CLVS1: variants seen among roughly 807,000 people sequenced by gnomAD.
The protein encoded by CLVS1 is clavesin 1, also known as clavesin-1.
In CLVS1, 10 loss-of-function variants were observed where a neutral mutation model predicts 33.1. The ratio of observed to expected loss-of-function variants is 0.30; its 90% CI spans 0.19 to 0.51. CLVS1 has a LOEUF of 0.51. CLVS1 is among the 20% of genes least tolerant of loss of function. The probability of loss-of-function intolerance (pLI) is 0.97; values close to 1 mark genes in which losing one functional copy is unlikely to be tolerated. For synonymous variants in CLVS1, 163 were observed against 166.1 expected, an observed-to-expected ratio of 0.98 and a Z score of 0.14; for missense variants, 343 against 433.4, an observed-to-expected ratio of 0.79 and a Z score of 1.85.
intron 3 of CLVS1, among the ~76,000 whole-genome samples, chr8:61,420,108 G>C (rs1815596543): frequency 6.6e-6 from 1 of 152,160 alleles, no homozygotes; most frequent in South Asian, 2.1e-4. Flanking sequence ...TCCTGAGTCA[G>C]ACTGCCTGCA....
intron 2 of CLVS1, among the ~76,000 whole-genome samples, chr8:61,230,874 A>C (rs1808416528): frequency 6.6e-6 from 1 of 152,172 alleles, no homozygotes; most frequent in South Asian, 2.1e-4. Flanking sequence ...TTACTGGTTC[A>C]TAAATGTCAC....
chr8:61,403,042 A>G (rs1004235928), intron 3 of CLVS1, among the ~76,000 whole-genome samples: 25 of 152,192 alleles, frequency 1.6e-4, no homozygotes, highest in Non-Finnish European at 7.3e-5. Flanking sequence ...CTAGGGTATG[A>G]ATAAGAGTGG....
At chr8:61,157,802 A>AT (rs1200022258) in intron 2 of CLVS1, among the ~76,000 whole-genome samples, 1 of 152,208 alleles carries the variant, frequency 6.6e-6, no homozygotes, top group Non-Finnish European at 1.5e-5. Context: ...AAATAATATC[A>AT]TTTAAGAAAT....
chr8:61,215,024 T>A (rs1344663418), intron 2 of CLVS1, among the ~76,000 whole-genome samples: 1 of 152,228 alleles, frequency 6.6e-6, no homozygotes, highest in African/African-American at 2.4e-5. Context: ...TTGTGTAACA[T>A]AAAGTAAGTA....
chr8:60,969,353 G>C, the CLVS1 span, among the ~76,000 whole-genome samples: 1 of 152,168 alleles, frequency 6.6e-6, no homozygotes, highest in Non-Finnish European at 1.5e-5. Context: ...TAGCCCTTAG[G>C]ACATAGTATA....
At chr8:61,190,031 C>T (rs1807437015) in intron 2 of CLVS1, among the ~76,000 whole-genome samples, 1 of 152,180 alleles carries the variant, frequency 6.6e-6, no homozygotes. Context: ...ATCTAATAGA[C>T]ATCTACAGAA....
At chr8:61,091,973 G>T (rs1490166702) in intron 1 of CLVS1, among the ~76,000 whole-genome samples, 2 of 152,194 alleles carry the variant, frequency 1.3e-5, no homozygotes, top group Admixed American at 6.5e-5. Flanking sequence ...CAATTTTAGG[G>T]AGTTAAGAAA....
intron 2 of CLVS1, among the ~76,000 whole-genome samples, chr8:61,136,526 C>G (rs891591943): frequency 5.9e-5 from 9 of 152,286 alleles, no homozygotes; most frequent in African/African-American, 2.2e-4. Flanking sequence ...AGATCATGTC[C>G]TTTGCAGGGA....
chr8:61,356,249 T>G (rs1216904602), intron 2 of CLVS1, among the ~76,000 whole-genome samples: 2 of 152,290 alleles, frequency 1.3e-5, no homozygotes, highest in East Asian at 3.9e-4. Context: ...TCACCCAGTT[T>G]TTGATGGGGT....
At chr8:61,030,826 G>A in the CLVS1 span, among the ~76,000 whole-genome samples, 4 of 152,180 alleles carry the variant, frequency 2.6e-5, no homozygotes, top group Non-Finnish European at 5.9e-5. Context: ...CACCACGAGG[G>A]AGACAGGCAG....
At chr8:60,991,043 T>C in the CLVS1 span, among the ~76,000 whole-genome samples, 2 of 152,176 alleles carry the variant, frequency 1.3e-5, no homozygotes, top group East Asian at 1.9e-4. Flanking sequence ...ATACCTATCT[T>C]ATGCAAAATT....
intron 2 of CLVS1, among the ~76,000 whole-genome samples, chr8:61,227,908 G>A (rs867036630): frequency 7.9e-5 from 12 of 152,300 alleles, no homozygotes; most frequent in South Asian, 2.1e-4. Context: ...GAATAATGGA[G>A]CAGCAAGGAG....
At chr8:61,258,929 G>T (rs1054028615) in intron 2 of CLVS1, among the ~76,000 whole-genome samples, 5 of 152,142 alleles carry the variant, frequency 3.3e-5, no homozygotes, top group Non-Finnish European at 5.9e-5. Context: ...AAACAGAGAG[G>T]AGGAGGGTGA....
rs555814308 is a variant in CLVS1 at position 61,163,190 on chromosome 8, C to G, written c.-152+31330C>G. 1.4e-4 allele frequency among the ~76,000 whole-genome samples: 22 copies of G among 152,262 alleles called. No homozygotes were observed. In the South Asian group the frequency reaches 3.1e-3, roughly 22 times the overall value. ...GAGACCAGAGACACTGCACAGACACCAGCCTTAACCATCTGTGTCAACAGG... is the reference window on the plus strand; with the variant it reads ...GAGACCAGAGACACTGCACAGACACGAGCCTTAACCATCTGTGTCAACAGG... On this transcript the variant is annotated intron_variant, in intron 2 of 2. Transcript: ENST00000522621.
In CLVS1 at chr8:61,114,148, T is replaced by C. The variant is rs143574077; in HGVS notation, c.-242-17622T>C. 3.5e-3 allele frequency among the ~76,000 whole-genome samples: 538 copies of C among 152,382 alleles called. 2 individuals carry two copies. The highest frequency in any genetic ancestry group is 4.3e-3 in the Non-Finnish European group (295 of 68,048). ...TGAATTTCAGATAGTTTTCATGTTG[T>C]GAAATATTATTCTTCTTGTGTTTCT... On this transcript the variant is annotated intron_variant, in intron 1 of 2. Transcript: ENST00000522621.
intron 2 of CLVS1, among the ~76,000 whole-genome samples, chr8:61,176,231 T>A (rs561634786): frequency 5.2e-4 from 79 of 152,220 alleles, no homozygotes; most frequent in Non-Finnish European, 9.7e-4. Context: ...GGTTGCCCTC[T>A]TATTGCTCTC....
At chr8:61,229,774 G>C (rs908654335) in intron 2 of CLVS1, among the ~76,000 whole-genome samples, 6 of 152,180 alleles carry the variant, frequency 3.9e-5, no homozygotes, top group African/African-American at 1.4e-4. Context: ...GGGATTACAG[G>C]TGTCTGCCAC....
At chr8:61,344,272 C>T (rs372414142) in intron 2 of CLVS1, among the ~76,000 whole-genome samples, 34 of 152,270 alleles carry the variant, frequency 2.2e-4, no homozygotes, top group African/African-American at 7.0e-4. Flanking sequence ...GTCTTGAACT[C>T]CTGACCTCAG....
intron 2 of CLVS1, among the ~76,000 whole-genome samples, chr8:61,348,612 A>G (rs928511636): frequency 2.7e-5 from 4 of 150,142 alleles, no homozygotes; most frequent in Admixed American, 2.7e-4. Context: ...TTTCTTTATC[A>G]GTTTATCTAC....
Sources: gnomAD v4.1 joint callset for allele counts (sites outside exome capture counted in the v4.1 genomes callset) on GRCh38, gnomAD v4.1.1 for gene constraint, MANE v1.5 for transcripts, NCBI Gene and HGNC (gene_info 2026-07-23, HGNC 2026-07-21) for gene names.